SIPA1L1: variants seen among roughly 807,000 people sequenced by gnomAD.
The protein encoded by SIPA1L1 is signal induced proliferation associated 1 like 1, also known as signal-induced proliferation-associated 1-like protein 1.
In SIPA1L1, 26 loss-of-function variants were observed where a neutral mutation model predicts 162.7. The ratio of observed to expected loss-of-function variants is 0.16; its 90% confidence interval spans 0.12 to 0.22. The LOEUF (loss-of-function observed/expected upper bound fraction) is 0.22. Among genes scored for constraint, SIPA1L1 ranks in the 10% least tolerant of loss-of-function variants. SIPA1L1 has a pLI of 1.00. For missense variants in SIPA1L1, 1,874 were observed against 2,241.0 expected, an observed-to-expected ratio of 0.84 and a Z score of 3.31; for synonymous variants, 829 against 837.4, an observed-to-expected ratio of 0.99 and a Z score of 0.17.
At chr14:71,485,286 A>C (rs1164359918) in intron 2 of SIPA1L1, among the ~76,000 whole-genome samples, 1 of 152,232 alleles carries the variant, frequency 6.6e-6, no homozygotes, top group East Asian at 1.9e-4. Context: ...AGGGGTCTCC[A>C]ACCCCCGGAC....
At position 71,735,403 on chromosome 14, in the gene SIPA1L1, T is replaced by G; in HGVS notation, c.5123+12T>G. On this transcript the variant is annotated intron_variant, in intron 22 of 23. Transcript: ENST00000381232. ...AAGCCTTACAGCAGGTTGGTCCCAG[T>G]GCAAGGGCAGTACTCTGCACCTTGT... 6.4e-7 allele frequency: 1 copy of G among 1,569,306 alleles called. No individual in the cohort carries two copies. The highest frequency in any genetic ancestry group is 8.8e-7 in the Non-Finnish European group (1 of 1,139,342).
chr14:71,612,319 T>C (rs2148349542), intron 5 of SIPA1L1, among the ~76,000 whole-genome samples: 1 of 152,302 alleles, frequency 6.6e-6, no homozygotes. Context: ...ATATATTACG[T>C]CTCTACCAAG....
chr14:71,568,946 G>A (rs2031358340), intron 4 of SIPA1L1, among the ~76,000 whole-genome samples: 1 of 152,154 alleles, frequency 6.6e-6, no homozygotes, highest in African/African-American at 2.4e-5. Context: ...TTTCCTTTTT[G>A]ATGTGCAGCA....
In SIPA1L1 at chr14:71,616,933, T is replaced by C. The variant is rs544713895; in HGVS notation, c.1499-1824T>C. On this transcript the variant is annotated intron_variant, in intron 5 of 23. Coordinates refer to ENST00000381232, the MANE Select transcript of SIPA1L1 (RefSeq NM_001386936.1). ...CATGCCACCTGCCCATTGTGAGATATGTGGGGTGTACTTGAGGGGTTCCTA... is the reference window on the plus strand; with the variant it reads ...CATGCCACCTGCCCATTGTGAGATACGTGGGGTGTACTTGAGGGGTTCCTA... Among the ~76,000 whole-genome samples, 3 of 152,224 alleles carry C rather than the reference T, an allele frequency of 2.0e-5. No homozygotes were observed. In the South Asian group the frequency reaches 6.2e-4, roughly 32 times the overall value.
chr14:71,440,737 G>T (rs1419219098), intron 2 of SIPA1L1, among the ~76,000 whole-genome samples: 2 of 150,332 alleles, frequency 1.3e-5, no homozygotes, highest in African/African-American at 4.9e-5. Flanking sequence ...GAATAGTTCA[G>T]TTTCCCTGGA....
At chr14:71,632,654 G>T (rs2040698275) in intron 7 of SIPA1L1, among the ~76,000 whole-genome samples, 1 of 152,178 alleles carries the variant, frequency 6.6e-6, no homozygotes, top group Non-Finnish European at 1.5e-5. Context: ...CAATAACGGG[G>T]TCTTCTTACC....
At chr14:71,401,710 G>C (rs1048912520) in intron 2 of SIPA1L1, among the ~76,000 whole-genome samples, 1 of 151,846 alleles carries the variant, frequency 6.6e-6, no homozygotes, top group African/African-American at 2.4e-5. Flanking sequence ...AATATAAAAT[G>C]TTAAATGAAT....
At chr14:71,700,645 G>A (rs2082012169) in intron 14 of SIPA1L1, among the ~76,000 whole-genome samples, 1 of 152,184 alleles carries the variant, frequency 6.6e-6, no homozygotes, top group African/African-American at 2.4e-5. Flanking sequence ...TGAGCCTTGT[G>A]ATGGGGTATG....
chr14:71,496,014 A>G (rs1595763447), intron 2 of SIPA1L1, among the ~76,000 whole-genome samples: 2 of 147,346 alleles, frequency 1.4e-5, no homozygotes, highest in East Asian at 4.1e-4. Flanking sequence ...AGACTGCTGT[A>G]GTTAGCCATG....
chr14:71,596,977 T>G (rs2036111853), intron 5 of SIPA1L1, among the ~76,000 whole-genome samples: 1 of 150,192 alleles, frequency 6.7e-6, no homozygotes, highest in South Asian at 2.2e-4. Context: ...ATAACTCATA[T>G]TTTTTTTGTT....
intron 2 of SIPA1L1, among the ~76,000 whole-genome samples, chr14:71,331,401 G>GT (rs1262232096): frequency 6.6e-6 from 1 of 152,222 alleles, no homozygotes; most frequent in Non-Finnish European, 1.5e-5. Context: ...AATTTTTCCT[G>GT]TTTTTGAAGG....
At chr14:71,481,694 A>G (rs950886775) in intron 2 of SIPA1L1, among the ~76,000 whole-genome samples, 2 of 152,206 alleles carry the variant, frequency 1.3e-5, no homozygotes, top group African/African-American at 4.8e-5. Flanking sequence ...AATTTATTTT[A>G]AGTCATTATT....
chr14:71,617,595 A>G (rs1434706070), intron 5 of SIPA1L1, among the ~76,000 whole-genome samples: 1 of 152,202 alleles, frequency 6.6e-6, no homozygotes, highest in Non-Finnish European at 1.5e-5. Context: ...AAGTATTTTC[A>G]TATGCATTAC....
rs958703020 is a variant in SIPA1L1, at chr14:71,603,920, AATAT to A, written c.1498+14559_1498+14562del. On this transcript the variant is annotated intron_variant, in intron 5 of 23. Coordinates refer to ENST00000381232, the MANE Select transcript of SIPA1L1 (RefSeq NM_001386936.1). ...ACAGAGCAAGAGCAAGATATATATA[AATAT>A]ATATATATTTATATATCTATATATA... Among the ~76,000 whole-genome samples, 6 of 141,344 alleles carry A rather than the reference AATAT, an allele frequency of 4.2e-5. No homozygotes were observed. In the Admixed American group the frequency reaches 4.3e-4, roughly 10 times the overall value. 92.7% of individuals were successfully genotyped at this position (141,344 alleles called of 152,430 possible).
At chr14:71,344,511 G>A (rs1047887563) in intron 2 of SIPA1L1, among the ~76,000 whole-genome samples, 1 of 152,116 alleles carries the variant, frequency 6.6e-6, no homozygotes, top group Admixed American at 6.5e-5. Flanking sequence ...CTTCTTACAA[G>A]CCCTCCCAAC....
intron 2 of SIPA1L1, among the ~76,000 whole-genome samples, chr14:71,351,730 A>G (rs1191202175): frequency 1.3e-5 from 2 of 152,230 alleles, no homozygotes; most frequent in African/African-American, 4.8e-5. Context: ...GTTTAAATAT[A>G]ACAAGACAAC....
intron 2 of SIPA1L1, among the ~76,000 whole-genome samples, chr14:71,473,338 C>A (rs2047612293): frequency 6.6e-6 from 1 of 152,026 alleles, no homozygotes; most frequent in Non-Finnish European, 1.5e-5. Context: ...TCTTCATAAT[C>A]ATTATTCATC....
At chr14:71,354,281 C>CTT (rs553737399) in intron 2 of SIPA1L1, among the ~76,000 whole-genome samples, 10 of 137,734 alleles carry the variant, frequency 7.3e-5, no homozygotes, top group African/African-American at 8.0e-5. Flanking sequence ...TCATTTGTTT[C>CTT]TTTTTTTTTT....
intron 4 of SIPA1L1, among the ~76,000 whole-genome samples, chr14:71,543,931 ATG>A (rs1182922447): frequency 2.2e-4 from 30 of 137,922 alleles, no homozygotes; most frequent in South Asian, 1.4e-3. Flanking sequence ...TCATACGTAT[ATG>A]TGTGTATATA....
Sources: gnomAD v4.1 joint callset for allele counts (sites outside exome capture counted in the v4.1 genomes callset) on GRCh38, gnomAD v4.1.1 for gene constraint, MANE v1.5 for transcripts, NCBI Gene and HGNC (gene_info 2026-07-23, HGNC 2026-07-21) for gene names.